SNX7: variants seen among roughly 807,000 people sequenced by gnomAD.
The protein encoded by SNX7 is sorting nexin-7.
Under a neutral mutation model 48.4 loss-of-function variants are expected in SNX7, and 35 were observed. The observed-to-expected ratio is 0.72, with a 90% CI of 0.55 to 0.96. SNX7 has a LOEUF of 0.96. Ranked by LOEUF, SNX7 falls within the 40% of genes least tolerant of loss-of-function variation. The pLI, the probability that SNX7 is intolerant of heterozygous loss-of-function variation, is 0.00. For synonymous variants in SNX7, 190 were observed against 190.2 expected, an observed-to-expected ratio of 1.00 and a Z score of 0.01; for missense variants, 553 against 548.9, an observed-to-expected ratio of 1.01 and a Z score of -0.07.
At chr1:98,726,533 A>G (rs758165219) in intron 7 of SNX7, among the ~76,000 whole-genome samples, 5 of 152,312 alleles carry the variant, frequency 3.3e-5, no homozygotes, top group South Asian at 2.1e-4. Flanking sequence ...ATGTCATTCA[A>G]CTGAGCTTGA....
intron 7 of SNX7, among the ~76,000 whole-genome samples, chr1:98,720,917 C>G (rs1652834623): frequency 6.6e-6 from 1 of 151,966 alleles, no homozygotes; most frequent in Admixed American, 6.6e-5. Flanking sequence ...AGATGAATGT[C>G]TGAAAGAAAC....
upstream of SNX7, chr1:98,661,673 C>A (rs1478872827): frequency 9.3e-6 from 11 of 1,186,822 alleles, no homozygotes; most frequent in East Asian, 3.3e-4. Context: ...CCAATGGGCA[C>A]GCTCGGGGGA....
At chr1:98,730,818 C>T (rs1162742392) in intron 7 of SNX7, among the ~76,000 whole-genome samples, 1 of 152,014 alleles carries the variant, frequency 6.6e-6, no homozygotes, top group African/African-American at 2.4e-5. Context: ...TGAAAATGGC[C>T]GTACTACCCA....
intron 7 of SNX7, among the ~76,000 whole-genome samples, chr1:98,712,919 C>T (rs1652390873): frequency 6.6e-6 from 1 of 152,004 alleles, no homozygotes; most frequent in African/African-American, 2.4e-5. Context: ...TGGAGAAACC[C>T]TGTCTCTACT....
chr1:98,682,142 A>G (rs1650537140), intron 1 of SNX7, among the ~76,000 whole-genome samples: 1 of 146,836 alleles, frequency 6.8e-6, no homozygotes, highest in Admixed American at 6.8e-5. Context: ...TTTCTCTCTC[A>G]CCTTCTCTGT....
intron 5 of SNX7, among the ~76,000 whole-genome samples, chr1:98,698,189 T>C (rs182316464): frequency 6.6e-6 from 1 of 152,216 alleles, no homozygotes; most frequent in East Asian, 1.9e-4. Flanking sequence ...GATAAGTACA[T>C]AGGTAGATGG....
intron 7 of SNX7, among the ~76,000 whole-genome samples, chr1:98,707,183 G>A (rs1652054256): frequency 6.6e-6 from 1 of 152,152 alleles, no homozygotes; most frequent in East Asian, 1.9e-4. Context: ...GAAAGAATTT[G>A]ATGTAGCTTT....
intron 7 of SNX7, among the ~76,000 whole-genome samples, chr1:98,714,239 A>G (rs1052721113): frequency 6.6e-6 from 1 of 152,190 alleles, no homozygotes; most frequent in African/African-American, 2.4e-5. Context: ...TTTTATAAGC[A>G]TATTTAACAT....
At chr1:98,738,482 A>G in intron 8 of SNX7, 93 bp downstream of exon 8, 1 of 1,251,254 alleles carries the variant, frequency 8.0e-7, no homozygotes, top group Non-Finnish European at 1.1e-6. Context: ...TTAAAGAACA[A>G]GTGTCACATT....
At chr1:98,662,616 A>G (rs950062492) in intron 1 of SNX7, 7 of 1,175,218 alleles carry the variant, frequency 6.0e-6, no homozygotes, top group African/African-American at 1.6e-5. Context: ...TGTGGGGGCT[A>G]GTGGTAGACT....
chr1:98,725,638 T>TG (rs1341647901), intron 7 of SNX7, among the ~76,000 whole-genome samples: 2 of 152,150 alleles, frequency 1.3e-5, no homozygotes, highest in Admixed American at 1.3e-4. Context: ...GACAGCTTTT[T>TG]TTAGTTACCA....
At chr1:98,721,725 G>C (rs1046645356) in intron 7 of SNX7, among the ~76,000 whole-genome samples, 7 of 151,886 alleles carry the variant, frequency 4.6e-5, no homozygotes, top group African/African-American at 1.7e-4. Context: ...AATAAATTTT[G>C]ATTTTTGGCT....
At chr1:98,693,172 AGATGGATG>A (rs10589894) in intron 4 of SNX7, among the ~76,000 whole-genome samples, 19 of 151,250 alleles carry the variant, frequency 1.3e-4, no homozygotes, top group South Asian at 2.1e-4. Flanking sequence ...GGATGAATGG[AGATGGATG>A]GATGGATGGA....
chr1:98,723,423 A>G (rs1652992070), intron 7 of SNX7, among the ~76,000 whole-genome samples: 1 of 151,550 alleles, frequency 6.6e-6, no homozygotes, highest in African/African-American at 2.4e-5. Flanking sequence ...TTTGGCTTGT[A>G]TTTATCATAA....
chr1:98,707,531 G>A (rs1172629543), intron 7 of SNX7, among the ~76,000 whole-genome samples: 1 of 152,128 alleles, frequency 6.6e-6, no homozygotes, highest in Non-Finnish European at 1.5e-5. Flanking sequence ...GTTTGAAAAT[G>A]CTTATTCACT....
At chr1:98,696,904 A>G (rs910392968) in intron 5 of SNX7, among the ~76,000 whole-genome samples, 14 of 152,098 alleles carry the variant, frequency 9.2e-5, no homozygotes, top group Non-Finnish European at 1.3e-4. Context: ...AGTAATTAAG[A>G]TGGTACCTGT....
chr1:98,661,721 G>C lies in SNX7; in HGVS notation c.-11G>C, dbSNP rs1404355817. The C allele has an allele frequency of 1.6e-6, 2 of 1,218,360 alleles. No homozygotes were observed. The highest frequency in any genetic ancestry group is 1.0e-6 in the Non-Finnish European group (1 of 976,792). 75.5% of individuals were successfully genotyped at this position (1,218,360 alleles called of 1,614,324 possible). Reference sequence around the variant, plus strand: ...GCGGCGGTGGCGGCCGGCTGGGCGCGCACTCTCGGGATGGAGGGCGAGCGC... The same window carrying C: ...GCGGCGGTGGCGGCCGGCTGGGCGCCCACTCTCGGGATGGAGGGCGAGCGC... On this transcript the variant is annotated 5_prime_UTR_variant, in exon 1 of 9. Transcript: ENST00000306121.
chr1:98,688,950 G>A (rs1431016210), intron 2 of SNX7, among the ~76,000 whole-genome samples: 1 of 151,988 alleles, frequency 6.6e-6, no homozygotes, highest in African/African-American at 2.4e-5. Context: ...TGTCACCCAG[G>A]GTAGAGTACA....
intron 7 of SNX7, among the ~76,000 whole-genome samples, chr1:98,724,381 C>T (rs1013015169): frequency 6.6e-6 from 1 of 151,598 alleles, no homozygotes; most frequent in Admixed American, 6.6e-5. Flanking sequence ...AGAAATGCCG[C>T]TTTTTGTATC....
Sources: gnomAD v4.1 joint callset for allele counts (sites outside exome capture counted in the v4.1 genomes callset) on GRCh38, gnomAD v4.1.1 for gene constraint, MANE v1.5 for transcripts, NCBI Gene and HGNC (gene_info 2026-07-23, HGNC 2026-07-21) for gene names.